The following YKT6 variants were observed in gnomAD, a reference collection of about 807,000 sequenced individuals.
The protein encoded by YKT6 is synaptobrevin homolog YKT6.
Under a neutral mutation model 29.3 loss-of-function variants are expected in YKT6, and 12 were observed. The ratio of observed to expected loss-of-function variants is 0.41; its 90% CI spans 0.26 to 0.66. YKT6 has a LOEUF of 0.66. YKT6 is among the 30% of genes least tolerant of loss of function. The pLI is 0.32. For synonymous variants in YKT6, 86 were observed against 94.3 expected (o/e 0.91, Z 0.51); for missense variants, 188 against 243.8 (o/e 0.77, Z 1.52).
intron 5 of YKT6, among the ~76,000 whole-genome samples, chr7:44,210,192 A>G (rs2096345088): frequency 6.6e-6 from 1 of 152,192 alleles, no homozygotes; most frequent in Non-Finnish European, 1.5e-5. Context: ...TCAAGTGCTC[A>G]ATAGCCATTT....
At chr7:44,211,558 TATTTA>T (rs2096346860) in intron 6 of YKT6, 1 of 1,013,494 alleles carries the variant, frequency 9.9e-7, no homozygotes, top group African/African-American at 1.7e-5. Context: ...TGACAGAAAA[TATTTA>T]ATTGACAAGG....
At chr7:44,212,147 G>C (rs2096347478) in intron 6 of YKT6, 100 bp from the exon 7 acceptor site, 2 of 1,431,298 alleles carry the variant, frequency 1.4e-6, no homozygotes, top group South Asian at 2.3e-5. Context: ...TTCTCTGCCT[G>C]GCTGTGTCCT....
At chr7:44,205,354 T>G (rs921417230) in intron 2 of YKT6, among the ~76,000 whole-genome samples, 4 of 152,244 alleles carry the variant, frequency 2.6e-5, no homozygotes, top group African/African-American at 9.6e-5. Flanking sequence ...GTTTATTACT[T>G]AAAGACAATT....
rs1177213549 is a variant in YKT6, at chr7:44,213,641, T to C, written c.*1359T>C. On this transcript the variant is annotated 3_prime_UTR_variant, in exon 7 of 7. Coordinates refer to ENST00000223369, the MANE Select transcript of YKT6 (RefSeq NM_006555.4). ...GTGTCACCTATGGGTTTTGAACCAGTGTGGTATGGTCCTTGGGAGCTCTGC... is the reference window on the plus strand; with the variant it reads ...GTGTCACCTATGGGTTTTGAACCAGCGTGGTATGGTCCTTGGGAGCTCTGC... 1 of 152,306 alleles carries C rather than the reference T, an allele frequency of 6.6e-6. No homozygotes were observed. Among genetic ancestry groups the C allele is most frequent in the African/African-American group, 2.4e-5 (1 of 41,432 alleles). 9.4% of individuals were successfully genotyped at this position (152,306 alleles called of 1,614,324 possible).
chr7:44,206,345 T>C, intron 2 of YKT6, 40 bp from the exon 3 acceptor site: 4 of 1,597,226 alleles, frequency 2.5e-6, no homozygotes, highest in Non-Finnish European at 3.4e-6. Context: ...TCTGAAGCCC[T>C]CATGTCAGCA....
intron 1 of YKT6, among the ~76,000 whole-genome samples, chr7:44,203,669 T>A (rs1479009969): frequency 6.6e-6 from 1 of 152,200 alleles, no homozygotes; most frequent in Non-Finnish European, 1.5e-5. Context: ...TGTGCAGGCA[T>A]TGTTCCAAGT....
rs1357900876 is a variant in YKT6, at chr7:44,210,961, T to G, written c.460-62T>G. ...GGCACTTTCCCCCATGACTGAAATATGAGGGGCTCATGTCAGGGCACGTAC... is the reference window on the plus strand; with the variant it reads ...GGCACTTTCCCCCATGACTGAAATAGGAGGGGCTCATGTCAGGGCACGTAC... On this transcript the variant is annotated intron_variant, in intron 5 of 6. Transcript: ENST00000223369. 5.7e-6 allele frequency: 9 copies of G among 1,568,058 alleles called. No homozygotes were observed. In the Admixed American group the frequency reaches 1.5e-4, roughly 26 times the overall value.
intron 1 of YKT6, among the ~76,000 whole-genome samples, chr7:44,202,770 G>A (rs2096337186): frequency 6.6e-6 from 1 of 152,050 alleles, no homozygotes; most frequent in Non-Finnish European, 1.5e-5. Context: ...GCATTTTTTT[G>A]GTATTTACCC....
chr7:44,210,159 G>A (rs902731471), intron 5 of YKT6, among the ~76,000 whole-genome samples: 4 of 152,110 alleles, frequency 2.6e-5, no homozygotes, highest in African/African-American at 9.7e-5. Flanking sequence ...TCAGAGCGCT[G>A]CTCAGTTTGG....
At chr7:44,208,076 T>G in intron 4 of YKT6, 57 bp from the exon 5 acceptor site, 1 of 1,578,468 alleles carries the variant, frequency 6.3e-7, no homozygotes, top group Non-Finnish European at 8.7e-7. Flanking sequence ...CAGTTTTAGG[T>G]TTTGTTTGCA....
At chr7:44,204,803 T>C (rs1405958704) in intron 2 of YKT6, among the ~76,000 whole-genome samples, 153 bp downstream of exon 2, 1 of 152,232 alleles carries the variant, frequency 6.6e-6, no homozygotes, top group East Asian at 1.9e-4. Context: ...TTATGCAGAA[T>C]TCTGTGCCCA....
At chr7:44,208,782 C>T (rs2096343629) in intron 5 of YKT6, 1 of 152,338 alleles carries the variant, frequency 6.6e-6, no homozygotes, top group South Asian at 2.1e-4. Flanking sequence ...AAGCAGCTAT[C>T]TGTTTTTCTC....
intron 5 of YKT6, 83 bp from the exon 6 acceptor site, chr7:44,210,940 C>T: frequency 1.4e-6 from 2 of 1,470,222 alleles, no homozygotes; most frequent in Non-Finnish European, 1.9e-6. Context: ...AGGTAAGGCA[C>T]TTTCCCCCAT....
At chr7:44,206,198 TG>T (rs1303616557) in intron 2 of YKT6, among the ~76,000 whole-genome samples, 186 bp from the exon 3 acceptor site, 2 of 152,236 alleles carry the variant, frequency 1.3e-5, no homozygotes, top group African/African-American at 4.8e-5. Context: ...AAGCAGGCGT[TG>T]GGCCAAGCTC....
chr7:44,203,206 G>C (rs1262393198), intron 1 of YKT6, among the ~76,000 whole-genome samples: 1 of 152,146 alleles, frequency 6.6e-6, no homozygotes, highest in Non-Finnish European at 1.5e-5. Context: ...TGATTCTCCT[G>C]CCTCAGCCTC....
intron 5 of YKT6, among the ~76,000 whole-genome samples, chr7:44,209,574 TA>T (rs918413206): frequency 1.3e-5 from 2 of 152,248 alleles, no homozygotes; most frequent in African/African-American, 4.8e-5. Context: ...GCTGCAGTTG[TA>T]AAATCTAGAT....
rs1484360123 is a variant in YKT6, at chr7:44,214,251, TA to T, written c.*1970del. On this transcript the variant is annotated 3_prime_UTR_variant, in exon 7 of 7. Transcript: ENST00000223369. ...ACTGCTGCCTAACTTCCCTGTGTTC[TA>T]TTTGAGAGGCGCCTGTCTGGATAAA... 4 of 152,258 alleles carry T rather than the reference TA, an allele frequency of 2.6e-5. No homozygotes were observed. The highest frequency in any genetic ancestry group is 9.6e-5 in the African/African-American group (4 of 41,454). 9.4% of individuals were successfully genotyped at this position (152,258 alleles called of 1,614,324 possible).
At position 44,212,357 on chromosome 7, in the gene YKT6, GAC is replaced by G; in HGVS notation, c.*77_*78del. 1.3e-6 allele frequency: 2 copies of G among 1,574,792 alleles called. No homozygotes were observed. Among genetic ancestry groups the G allele is most frequent in the South Asian group, 2.2e-5 (2 of 88,972 alleles). On this transcript the variant is annotated 3_prime_UTR_variant, in exon 7 of 7. Transcript: ENST00000223369. ...GAACTGCAGCCCCTGGAAAAGAAGAGACAGCCATAGACGAGGAGCCAGAGTGG... is the reference window on the plus strand; with the variant it reads ...GAACTGCAGCCCCTGGAAAAGAAGAGAGCCATAGACGAGGAGCCAGAGTGG...
chr7:44,210,340 G>T (rs2096345336), intron 5 of YKT6, among the ~76,000 whole-genome samples: 1 of 152,210 alleles, frequency 6.6e-6, no homozygotes. Context: ...AGCCTCTGGT[G>T]GCTGCTGGCC....
Sources: gnomAD v4.1 joint callset for allele counts (sites outside exome capture counted in the v4.1 genomes callset) on GRCh38, gnomAD v4.1.1 for gene constraint, MANE v1.5 for transcripts, NCBI Gene and HGNC (gene_info 2026-07-23, HGNC 2026-07-21) for gene names.